CCND3: variants seen among roughly 807,000 people sequenced by gnomAD.
CCND3 encodes cyclin D3.
CCND3 carries 9 observed loss-of-function variants against 28.7 expected under a neutral mutation model. The observed-to-expected ratio is 0.31, with a 90% CI of 0.19 to 0.55. The LOEUF (loss-of-function observed/expected upper bound fraction) is 0.55, where lower values mean the gene tolerates loss of function less well. CCND3 is among the 20% of genes least tolerant of loss of function. CCND3 has a pLI of 0.93. For synonymous variants in CCND3, 164 were observed against 163.9 expected (o/e 1.00, Z 0.00); for missense variants, 315 against 385.8 (o/e 0.82, Z 1.54).
intron 1 of CCND3, among the ~76,000 whole-genome samples, chr6:42,021,818 C>G (rs965549833): frequency 2.6e-5 from 4 of 152,130 alleles, no homozygotes; most frequent in African/African-American, 7.2e-5. Context: ...GTGAGTTGAG[C>G]CCAGATCCTA....
intron 1 of CCND3, among the ~76,000 whole-genome samples, chr6:42,008,178 C>T (rs1348943651): frequency 6.6e-6 from 1 of 152,024 alleles, no homozygotes; most frequent in Non-Finnish European, 1.5e-5. Flanking sequence ...GTCAGGGGTT[C>T]GAGATCAGCC....
intron 1 of CCND3, among the ~76,000 whole-genome samples, chr6:41,964,445 T>C (rs542975289): frequency 7.6e-6 from 1 of 132,224 alleles, no homozygotes; most frequent in Non-Finnish European, 1.7e-5. Flanking sequence ...TATGTGTGAA[T>C]GTGTGAGTCT....
chr6:41,967,487 A>G (rs1761919126), intron 1 of CCND3, among the ~76,000 whole-genome samples: 1 of 152,230 alleles, frequency 6.6e-6, no homozygotes, highest in Non-Finnish European at 1.5e-5. Context: ...GGGCCAGGAC[A>G]TATCAGCAAG....
Position 41,941,513 on chromosome 6 carries a change from TG to T in CCND3, c.136del (p.Gln46SerfsTer37), listed in dbSNP as rs1235953254. 1 of 1,607,510 alleles carries T rather than the reference TG, an allele frequency of 6.2e-7. No homozygotes were observed. Among genetic ancestry groups the T allele is most frequent in the Non-Finnish European group, 8.5e-7 (1 of 1,178,496 alleles). On this transcript the variant is annotated frameshift_variant, in exon 1 of 5. Transcript: ENST00000372991. LOFTEE classifies it high-confidence loss of function. The surrounding 1 kb of genome is among the most constrained non-coding windows in gnomAD (Gnocchi z 6.1). ...CGGCTTGATCTCCCGCTGCACGCAC[TG>T]GAAGTAGGAGGCGCGGGGTACGTAG... ...ERYVPRASYF[Q>X]CVQREIKPHM...
At chr6:41,974,721 C>G (rs1762124752) in intron 1 of CCND3, among the ~76,000 whole-genome samples, 1 of 152,038 alleles carries the variant, frequency 6.6e-6, no homozygotes, top group Admixed American at 6.6e-5. Context: ...TCAATTTAAC[C>G]CCAAAAGGGG....
chr6:41,967,255 G>A (rs796105558), intron 1 of CCND3, among the ~76,000 whole-genome samples: 2 of 152,290 alleles, frequency 1.3e-5, no homozygotes, highest in African/African-American at 4.8e-5. Context: ...GAGTCACCAA[G>A]GCTAGACAGC....
intron 1 of CCND3, among the ~76,000 whole-genome samples, chr6:41,948,523 T>A (rs1179494784): frequency 6.6e-6 from 1 of 151,972 alleles, no homozygotes; most frequent in Non-Finnish European, 1.5e-5. Flanking sequence ...TTTGAGTTAA[T>A]GAATAAAACA....
At position 41,936,838 on chromosome 6, in the gene CCND3, G is replaced by A. The variant is rs1205753308; in HGVS notation, c.575-143C>T. ...AAAACTCCAGCAGTGGGTGGGGCAAGATATCAGCAAGGGAGGAAGACAGGA... is the reference window on the plus strand; with the variant it reads ...AAAACTCCAGCAGTGGGTGGGGCAAAATATCAGCAAGGGAGGAAGACAGGA... On this transcript the variant is annotated intron_variant, in intron 3 of 4. Coordinates refer to ENST00000372991, the MANE Select transcript of CCND3 (RefSeq NM_001760.5). This position sits in a 1 kb window ranked among gnomAD's most constrained non-coding sequence, Gnocchi z 4.4. The A allele has an allele frequency of 2.6e-6, 2 of 765,872 alleles. No individual in the cohort carries two copies. Among genetic ancestry groups the A allele is most frequent in the Admixed American group, 2.8e-5 (1 of 35,302 alleles). 47.4% of individuals were successfully genotyped at this position (765,872 alleles called of 1,614,324 possible).
upstream of CCND3, among the ~76,000 whole-genome samples, chr6:42,049,284 G>T (rs1432282246): frequency 6.6e-6 from 1 of 152,126 alleles, no homozygotes; most frequent in East Asian, 1.9e-4. Context: ...TGATCCACCC[G>T]CCTCGGCCTC....
rs188238822 is a variant in CCND3, at chr6:42,015,527, G to A, written c.-46+32974C>T. Among the ~76,000 whole-genome samples the A allele has an allele frequency of 2.3e-3, 345 of 152,202 alleles. 5 individuals carry two copies. Among genetic ancestry groups the A allele is most frequent in the Middle Eastern group, 0.01 (3 of 294 alleles). On this transcript the variant is annotated intron_variant, in intron 1 of 4. Coordinates refer to the CCND3 transcript ENST00000372988. ...AGATGGAGGTCATCCTGGCTAACAC[G>A]GTGAAATCTCGTCTCTACTAAAAAT...
chr6:41,998,529 T>C (rs1202238734), intron 1 of CCND3, among the ~76,000 whole-genome samples: 75 of 151,078 alleles, frequency 5.0e-4, no homozygotes, highest in African/African-American at 1.7e-3. Flanking sequence ...GGTTTCACCA[T>C]GTTGGCCAGG....
At chr6:41,970,254 G>A (rs1582118521) in intron 1 of CCND3, among the ~76,000 whole-genome samples, 2 of 152,104 alleles carry the variant, frequency 1.3e-5, no homozygotes, top group South Asian at 2.1e-4. Context: ...CAGGAGAATC[G>A]CTTGAACCCA....
chr6:42,040,931 T>G (rs1764355205), intron 1 of CCND3, among the ~76,000 whole-genome samples: 1 of 150,988 alleles, frequency 6.6e-6, no homozygotes, highest in South Asian at 2.1e-4. Context: ...GAGAAATGGG[T>G]TAATAAATAT....
At chr6:42,045,021 G>C (rs1311362712) in intron 1 of CCND3, among the ~76,000 whole-genome samples, 2 of 147,810 alleles carry the variant, frequency 1.4e-5, no homozygotes, top group Admixed American at 6.9e-5. Flanking sequence ...GGTCAGGCTG[G>C]TCTCGAACTG....
Position 42,048,797 on chromosome 6 carries a change from C to T in CCND3, c.-342G>A. ...TGCTCAGCCAAGTTTCGGTCCCCGG[C>T]CTGACTCTCCCACCCCCTGTACACC... On this transcript the variant is annotated 5_prime_UTR_variant, in exon 1 of 5. Transcript: ENST00000372988. This position sits in a 1 kb window ranked among gnomAD's most constrained non-coding sequence, Gnocchi z 4.7. 1 of 432,492 alleles carries T rather than the reference C, an allele frequency of 2.3e-6. No homozygotes were observed. The highest frequency in any genetic ancestry group is 1.6e-5 in the South Asian group (1 of 62,268). 26.8% of individuals were successfully genotyped at this position (432,492 alleles called of 1,614,324 possible). A position where few individuals can be genotyped will look rare whatever the true frequency, so the allele number is the denominator to read the frequency against.
At chr6:42,009,362 A>G (rs1406202611) in intron 1 of CCND3, among the ~76,000 whole-genome samples, 1 of 152,190 alleles carries the variant, frequency 6.6e-6, no homozygotes, top group Non-Finnish European at 1.5e-5. Context: ...CTGTAATCCC[A>G]GGGCTTTGGG....
chr6:41,968,179 G>T (rs2127406961), intron 1 of CCND3, among the ~76,000 whole-genome samples: 1 of 152,182 alleles, frequency 6.6e-6, no homozygotes, highest in East Asian at 1.9e-4. Flanking sequence ...TCAATTCAAT[G>T]AATCACTGTG....
At chr6:41,937,177 CACCCTT>C (rs1775830050) in intron 3 of CCND3, 52 bp downstream of exon 3, 1 of 1,571,218 alleles carries the variant, frequency 6.4e-7, no homozygotes, top group South Asian at 1.1e-5. Flanking sequence ...AGTTACCTCT[CACCCTT>C]ATAAGTCTTC....
At chr6:42,003,292 G>A (rs920351494) in intron 1 of CCND3, among the ~76,000 whole-genome samples, 4 of 151,430 alleles carry the variant, frequency 2.6e-5, no homozygotes, top group East Asian at 1.9e-4. Flanking sequence ...TTGGGAAGCC[G>A]AGACAGGTGG....
Sources: gnomAD v4.1 joint callset for allele counts (sites outside exome capture counted in the v4.1 genomes callset) on GRCh38, gnomAD v4.1.1 for gene constraint, Gnocchi (gnomAD v3.1) non-coding constraint, MANE v1.5 for transcripts, NCBI Gene and HGNC (gene_info 2026-07-23, HGNC 2026-07-21) for gene names.